The following DAPK2 variants were observed in gnomAD, a reference collection of about 807,000 sequenced individuals.
DAPK2 encodes death-associated protein kinase 2.
DAPK2 carries 35 observed loss-of-function variants against 44.1 expected under a neutral mutation model. That is an observed-to-expected ratio of 0.79 (90% confidence interval 0.61 to 1.05). The LOEUF (loss-of-function observed/expected upper bound fraction) is 1.05. Ranked by LOEUF, DAPK2 falls within the 50% of genes least tolerant of loss-of-function variation. The pLI is 0.00. For missense variants in DAPK2, 453 were observed against 483.2 expected (o/e 0.94, Z 0.59); for synonymous variants, 174 against 182.6 (o/e 0.95, Z 0.38).
At chr15:63,936,540 G>A (rs977756292) in intron 4 of DAPK2, among the ~76,000 whole-genome samples, 1 of 152,124 alleles carries the variant, frequency 6.6e-6, no homozygotes, top group African/African-American at 2.4e-5. Context: ...GAACCCAGGA[G>A]GCGGAGGTTG....
rs192717511 is a variant in DAPK2, at chr15:63,925,001, G to A, written c.813-140C>T. 8.7e-5 allele frequency: 76 copies of A among 871,950 alleles called. 1 individual carries two copies. In the African/African-American group the frequency reaches 1.1e-3, roughly 13 times the overall value. The allele number at this position is 871,950 out of a possible 1,614,324, so 54.0% of individuals were successfully genotyped here. On this transcript the variant is annotated intron_variant, in intron 7 of 10. Coordinates refer to ENST00000261891, the Ensembl canonical transcript of DAPK2. ...AAACCAGTGGAATGGAGGATGCAGAGATGGATGGGAGCTGGCTGCAAATCC... is the reference window on the plus strand; with the variant it reads ...AAACCAGTGGAATGGAGGATGCAGAAATGGATGGGAGCTGGCTGCAAATCC...
At position 64,027,118 on chromosome 15, in the gene DAPK2, C is replaced by G. The variant is rs1595908654; in HGVS notation, c.92+13052G>C. 1.3e-5 allele frequency among the ~76,000 whole-genome samples: 2 copies of G among 151,990 alleles called. 1 individual carries two copies. The highest frequency in any genetic ancestry group is 3.9e-4 in the East Asian group (2 of 5,190). On this transcript the variant is annotated intron_variant, in intron 1 of 10. Transcript: ENST00000261891. ...ACATGAGGCCAGGTGCGGTGTGGCT[C>G]ATGCCTATAATCCCAGCACTTTGGG...
intron 1 of DAPK2, among the ~76,000 whole-genome samples, chr15:63,991,826 G>A (rs16947638): frequency 0.034 from 5,116 of 152,260 alleles, 291 homozygotes; most frequent in African/African-American, 0.12. Context: ...CAGGGTCAGC[G>A]GTGAGGAGCA....
At chr15:63,958,715 G>C (rs563197883) in intron 3 of DAPK2, among the ~76,000 whole-genome samples, 3 of 152,092 alleles carry the variant, frequency 2.0e-5, no homozygotes, top group Non-Finnish European at 4.4e-5. Flanking sequence ...TGGTCTATAT[G>C]TCTGTTTTGG....
intron 1 of DAPK2, among the ~76,000 whole-genome samples, chr15:64,009,950 G>A (rs1358029848): frequency 6.6e-6 from 1 of 152,166 alleles, no homozygotes; most frequent in Non-Finnish European, 1.5e-5. Flanking sequence ...ACAAAGGCTT[G>A]TTCTAGGCAG....
Position 63,946,841 on chromosome 15 carries a change from C to T in DAPK2, c.454-7480G>A, listed in dbSNP as rs1203838986. Among the ~76,000 whole-genome samples, 5 of 152,306 alleles carry T rather than the reference C, an allele frequency of 3.3e-5. No homozygotes were observed. In the South Asian group the frequency reaches 6.2e-4, roughly 19 times the overall value. Reference sequence around the variant, plus strand: ...GACAAGGAAGCTGCCTACCAATCTTCACCAGCCATGTCAAGCACAGCCCCA... The same window carrying T: ...GACAAGGAAGCTGCCTACCAATCTTTACCAGCCATGTCAAGCACAGCCCCA... On this transcript the variant is annotated intron_variant, in intron 3 of 10. Coordinates refer to ENST00000261891, the Ensembl canonical transcript of DAPK2.
At chr15:63,922,809 C>T (rs1191457223) in intron 8 of DAPK2, 1 of 1,535,734 alleles carries the variant, frequency 6.5e-7, no homozygotes, top group Non-Finnish European at 8.7e-7. Context: ...TCACTGGTGT[C>T]CTGGTAGAAT....
At chr15:63,969,701 A>G (rs1440756033) in intron 3 of DAPK2, among the ~76,000 whole-genome samples, 1 of 151,478 alleles carries the variant, frequency 6.6e-6, no homozygotes, top group Non-Finnish European at 1.5e-5. Flanking sequence ...TGATCACACC[A>G]CTGTGTTCCA....
chr15:63,996,159 T>A (rs1403778068), intron 1 of DAPK2, among the ~76,000 whole-genome samples: 1 of 152,150 alleles, frequency 6.6e-6, no homozygotes, highest in African/African-American at 2.4e-5. Context: ...CACAGCCAGA[T>A]GCAGTGGCTC....
intron 1 of DAPK2, among the ~76,000 whole-genome samples, chr15:64,045,620 T>G (rs2080444384): frequency 6.6e-6 from 1 of 152,190 alleles, no homozygotes; most frequent in Admixed American, 6.5e-5. Flanking sequence ...TTCTCTTTTG[T>G]AAAGTAAGAA....
chr15:64,026,802 A>G (rs2079859831), intron 1 of DAPK2, among the ~76,000 whole-genome samples: 1 of 152,190 alleles, frequency 6.6e-6, no homozygotes. Flanking sequence ...TGAAACCATC[A>G]GTCTATAGGG....
chr15:63,989,665 A>G (rs34736183), intron 1 of DAPK2, among the ~76,000 whole-genome samples: 42,038 of 152,078 alleles, frequency 0.28, 6,908 homozygotes, highest in East Asian at 0.82. Context: ...TTATACATAC[A>G]TACACACACA....
At chr15:63,960,192 G>A (rs932229918) in intron 3 of DAPK2, among the ~76,000 whole-genome samples, 9 of 152,140 alleles carry the variant, frequency 5.9e-5, no homozygotes, top group Admixed American at 5.9e-4. Context: ...TGTGGGATTG[G>A]TGGTGATATC....
chr15:64,044,422 A>G (rs1281084938), upstream of DAPK2, among the ~76,000 whole-genome samples: 2 of 152,156 alleles, frequency 1.3e-5, no homozygotes, highest in African/African-American at 4.8e-5. Flanking sequence ...CACGTTATCC[A>G]TACTATATGT....
chr15:63,932,489 A>AG (rs2076995879), intron 4 of DAPK2: 2 of 140,352 alleles, frequency 1.4e-5, no homozygotes, highest in African/African-American at 5.1e-5. Flanking sequence ...AAAAAAAAAA[A>AG]AAGAAGCTAC....
intron 1 of DAPK2, among the ~76,000 whole-genome samples, chr15:63,998,850 T>C (rs2079015437): frequency 6.6e-6 from 1 of 152,142 alleles, no homozygotes; most frequent in African/African-American, 2.4e-5. Context: ...AAATGAATAA[T>C]GAGTCTTGAG....
chr15:63,982,918 A>C (rs1366112876), intron 2 of DAPK2, among the ~76,000 whole-genome samples: 1 of 152,274 alleles, frequency 6.6e-6, no homozygotes, highest in African/African-American at 2.4e-5. Context: ...TGTCTGCACT[A>C]GTAAGACATT....
At chr15:63,914,889 G>A (rs1377442355) in intron 8 of DAPK2, among the ~76,000 whole-genome samples, 1 of 152,146 alleles carries the variant, frequency 6.6e-6, no homozygotes, top group Admixed American at 6.5e-5. Context: ...TCACTATGCC[G>A]GGGCACTAAA....
At chr15:64,042,007 G>T (rs2080364744), upstream of DAPK2, among the ~76,000 whole-genome samples, 1 of 152,194 alleles carries the variant, frequency 6.6e-6, no homozygotes, top group African/African-American at 2.4e-5. This position sits in a 1 kb window ranked among gnomAD's most constrained non-coding sequence, Gnocchi z 4.7. Context: ...ATAGTGAAAA[G>T]AGTAGGCTCC....
Sources: allele counts gnomAD v4.1 joint callset (sites outside exome capture counted in the v4.1 genomes callset), GRCh38; gene constraint gnomAD v4.1.1; non-coding constraint Gnocchi (gnomAD v3.1); transcripts MANE v1.5; gene names NCBI Gene and HGNC (gene_info 2026-07-23, HGNC 2026-07-21).